The following CACNB2 variants were observed in gnomAD, a reference collection of about 807,000 sequenced individuals.
The protein encoded by CACNB2 is calcium voltage-gated channel auxiliary subunit beta 2, also known as voltage-dependent L-type calcium channel subunit beta-2.
Under a neutral mutation model 73.3 loss-of-function variants are expected in CACNB2, and 42 were observed. The ratio of observed to expected loss-of-function variants is 0.57; its 90% CI spans 0.45 to 0.74. The LOEUF is 0.74. Among genes scored for constraint, CACNB2 ranks in the 30% least tolerant of loss-of-function variants. CACNB2 has a pLI of 0.00. For missense variants in CACNB2, 940 were observed against 853.0 expected (o/e 1.10, Z -1.27); for synonymous variants, 348 against 310.3 (o/e 1.12, Z -1.28).
At chr10:18,539,112 G>T in intron 13 of CACNB2, 118 bp from the exon 14 acceptor site, 1 of 1,262,730 alleles carries the variant, frequency 7.9e-7, no homozygotes, top group Non-Finnish European at 1.2e-6. Flanking sequence ...AGCTAGGTTA[G>T]ACTTCATTTC....
chr10:18,210,147 G>T (rs555165437), intron 2 of CACNB2, among the ~76,000 whole-genome samples: 1 of 152,212 alleles, frequency 6.6e-6, no homozygotes, highest in Non-Finnish European at 1.5e-5. Context: ...CCACTTGGGA[G>T]CGTGGCAGGA....
chr10:18,248,301 CG>C (rs2036946581), intron 2 of CACNB2, among the ~76,000 whole-genome samples: 1 of 152,068 alleles, frequency 6.6e-6, no homozygotes, highest in South Asian at 2.1e-4. Flanking sequence ...ATTAAAAATT[CG>C]TATTTCAATT....
At chr10:18,397,600 A>G (rs1172005566) in intron 2 of CACNB2, among the ~76,000 whole-genome samples, 20 of 152,080 alleles carry the variant, frequency 1.3e-4, no homozygotes, top group Non-Finnish European at 1.5e-5. Context: ...CTGTAATCCC[A>G]GCTACTCAGG....
At chr10:18,473,419 T>C (rs757213434) in intron 3 of CACNB2, among the ~76,000 whole-genome samples, 2 of 152,198 alleles carry the variant, frequency 1.3e-5, no homozygotes, top group African/African-American at 2.4e-5. Context: ...TTAAAAAATA[T>C]TGCCAGGCCC....
chr10:18,315,228 G>A (rs2040116270), intron 2 of CACNB2, among the ~76,000 whole-genome samples: 1 of 152,022 alleles, frequency 6.6e-6, no homozygotes, highest in South Asian at 2.1e-4. Flanking sequence ...CAGCTACTTG[G>A]GAGGCTGAAA....
chr10:18,500,997 A>C lies in CACNB2; in HGVS notation c.593+49A>C, dbSNP rs567041819. The C allele has an allele frequency of 2.6e-6, 4 of 1,545,160 alleles. No individual in the cohort carries two copies. In the East Asian group the frequency reaches 6.8e-5, roughly 26 times the overall value. On this transcript the variant is annotated intron_variant, in intron 5 of 13. Transcript: ENST00000324631. ...TGCATAAAACTTAGATTATACCACT[A>C]TCTGTGTACTGTTGTCTGCTGTATT...
chr10:18,240,979 G>A (rs941540113), intron 2 of CACNB2, among the ~76,000 whole-genome samples: 1 of 152,134 alleles, frequency 6.6e-6, no homozygotes, highest in African/African-American at 2.4e-5. Context: ...ATGCCACTTA[G>A]GACAAACCTG....
rs2133323142 is a variant in CACNB2 at position 18,538,104 on chromosome 10, T to TC, written c.1303-74dup. ...AAAGGGGTGCAGCTCATGAGCCCCT[T>TC]CCTCCTCTTATGGAGGTGGGAAGGG... On this transcript the variant is annotated intron_variant, in intron 12 of 13. Coordinates refer to ENST00000324631, the MANE Select transcript of CACNB2 (RefSeq NM_201596.3). The TC allele has an allele frequency of 2.8e-6, 4 of 1,415,592 alleles. No homozygotes were observed. In the African/African-American group the frequency reaches 4.2e-5, roughly 15 times the overall value. 87.7% of individuals were successfully genotyped at this position (1,415,592 alleles called of 1,614,324 possible).
intron 2 of CACNB2, among the ~76,000 whole-genome samples, chr10:18,155,224 A>G (rs1373937018): frequency 6.6e-6 from 1 of 152,184 alleles, no homozygotes; most frequent in African/African-American, 2.4e-5. Flanking sequence ...TTTCCTCACT[A>G]AAGATAATCA....
intron 3 of CACNB2, among the ~76,000 whole-genome samples, chr10:18,445,393 G>C (rs574556322): frequency 6.6e-6 from 1 of 152,154 alleles, no homozygotes; most frequent in Non-Finnish European, 1.5e-5. Flanking sequence ...GAAGAATGTG[G>C]AGAATTTTCT....
At chr10:18,156,159 G>T (rs10740995) in intron 2 of CACNB2, among the ~76,000 whole-genome samples, 6 of 151,964 alleles carry the variant, frequency 3.9e-5, no homozygotes, top group Admixed American at 6.6e-5. Flanking sequence ...TATCTTTCCA[G>T]ACTTTTAGTT....
intron 2 of CACNB2, among the ~76,000 whole-genome samples, chr10:18,317,167 A>G (rs1344775044): frequency 6.6e-6 from 1 of 151,592 alleles, no homozygotes; most frequent in Non-Finnish European, 1.5e-5. Context: ...AGGTCTCCAG[A>G]AACCTTCTCC....
At chr10:18,184,253 A>G (rs1485104864) in intron 2 of CACNB2, among the ~76,000 whole-genome samples, 1 of 152,234 alleles carries the variant, frequency 6.6e-6, no homozygotes, top group African/African-American at 2.4e-5. Flanking sequence ...GATGATGACA[A>G]ACCTACAGTT....
chr10:18,369,872 A>G lies in CACNB2; in HGVS notation c.214-32052A>G, dbSNP rs563054804. 3.9e-5 allele frequency among the ~76,000 whole-genome samples: 6 copies of G among 152,278 alleles called. No homozygotes were observed. In the South Asian group the frequency reaches 1.2e-3, roughly 32 times the overall value. On this transcript the variant is annotated intron_variant, in intron 2 of 13. Coordinates refer to ENST00000324631, the MANE Select transcript of CACNB2 (RefSeq NM_201596.3). ...CAGAGAGCCGAGATCATGCCATTGC[A>G]CTCCACCCTTGGCAACAGAGCAAGA... is the stretch of plus-strand genomic sequence containing the variant.
intron 3 of CACNB2, among the ~76,000 whole-genome samples, chr10:18,492,159 G>A (rs2049474478): frequency 6.6e-6 from 1 of 152,140 alleles, no homozygotes; most frequent in South Asian, 2.1e-4. Context: ...CAGATCTTAT[G>A]AGAAGTCTTA....
At chr10:18,157,019 G>T (rs982855767) in intron 2 of CACNB2, among the ~76,000 whole-genome samples, 2 of 149,736 alleles carry the variant, frequency 1.3e-5, no homozygotes, top group Non-Finnish European at 3.0e-5. Flanking sequence ...CTCAGATTGC[G>T]CCATTGCACT....
intron 2 of CACNB2, among the ~76,000 whole-genome samples, chr10:18,343,486 A>G (rs2041316555): frequency 6.6e-6 from 1 of 152,206 alleles, no homozygotes; most frequent in Non-Finnish European, 1.5e-5. Flanking sequence ...AAAATTAGGA[A>G]TAATAATAAC....
chr10:18,181,031 T>C (rs2033848818), intron 2 of CACNB2, among the ~76,000 whole-genome samples: 1 of 143,752 alleles, frequency 7.0e-6, no homozygotes, highest in Non-Finnish European at 1.5e-5. Flanking sequence ...TATTTTCCCC[T>C]CAAGGATTTA....
At chr10:18,494,645 A>AG (rs1475550140) in intron 3 of CACNB2, among the ~76,000 whole-genome samples, 1 of 151,442 alleles carries the variant, frequency 6.6e-6, no homozygotes, top group African/African-American at 2.4e-5. Flanking sequence ...AAAAAAAAAA[A>AG]AAAAGAAAAG....
Sources: allele counts gnomAD v4.1 joint callset (sites outside exome capture counted in the v4.1 genomes callset), GRCh38; gene constraint gnomAD v4.1.1; transcripts MANE v1.5; gene names NCBI Gene and HGNC (gene_info 2026-07-23, HGNC 2026-07-21).